Variants in RUNX2 observed in about 807,000 individuals in gnomAD.
RUNX2 encodes the protein RUNX family transcription factor 2.
In RUNX2, 10 loss-of-function variants were observed where a neutral mutation model predicts 51.7. The observed-to-expected ratio is 0.19, with a 90% CI of 0.12 to 0.33. RUNX2 has a LOEUF of 0.33. Ranked by LOEUF, RUNX2 falls within the 10% of genes least tolerant of loss-of-function variation. The pLI, the probability that RUNX2 is intolerant of heterozygous loss-of-function variation, is 1.00. For synonymous variants in RUNX2, 276 were observed against 273.6 expected, an observed-to-expected ratio of 1.01 and a Z score of -0.09; for missense variants, 562 against 691.3, an observed-to-expected ratio of 0.81 and a Z score of 2.10.
intron 2 of RUNX2, among the ~76,000 whole-genome samples, chr6:45,364,341 A>C (rs754379609): frequency 5.9e-5 from 9 of 152,206 alleles, no homozygotes; most frequent in Non-Finnish European, 1.2e-4. Context: ...AACAGTAATC[A>C]TCACATAGTG....
rs924507632 is a variant in RUNX2, at chr6:45,497,135, C to A, written c.859+5021C>A. ...CTCCTACAGTAGCTTGTAAAACTGC[C>A]TTTGCAGACACCCAAGGGGCTTCCC... On this transcript the variant is annotated intron_variant, in intron 6 of 8. Coordinates refer to ENST00000647337, the MANE Select transcript of RUNX2 (RefSeq NM_001024630.4). Among the ~76,000 whole-genome samples, 4 of 152,286 alleles carry A rather than the reference C, an allele frequency of 2.6e-5. No homozygotes were observed. The South Asian group carries it at 8.3e-4, about 32-fold the overall frequency.
At chr6:45,362,511 T>G (rs1794440767) in intron 2 of RUNX2, among the ~76,000 whole-genome samples, 1 of 152,086 alleles carries the variant, frequency 6.6e-6, no homozygotes, top group South Asian at 2.1e-4. Context: ...GTATATTGAG[T>G]CTAATTTTAT....
At chr6:45,520,275 G>T (rs1801465166) in intron 7 of RUNX2, among the ~76,000 whole-genome samples, 1 of 152,160 alleles carries the variant, frequency 6.6e-6, no homozygotes, top group Non-Finnish European at 1.5e-5. Context: ...TCCTGGAGAA[G>T]CATGTTTTCT....
chr6:45,379,693 C>T (rs986651457), intron 2 of RUNX2, among the ~76,000 whole-genome samples: 5 of 152,026 alleles, frequency 3.3e-5, no homozygotes, highest in Non-Finnish European at 7.4e-5. Flanking sequence ...GATGAAACCC[C>T]GTCTCTACTA....
chr6:45,427,524 T>A (rs1484213374), intron 3 of RUNX2, among the ~76,000 whole-genome samples: 2 of 152,182 alleles, frequency 1.3e-5, no homozygotes, highest in Non-Finnish European at 2.9e-5. Context: ...ATACTGTATT[T>A]GAAGTTATCT....
chr6:45,358,812 A>C (rs1022531172), intron 2 of RUNX2, among the ~76,000 whole-genome samples: 2 of 152,168 alleles, frequency 1.3e-5, no homozygotes, highest in African/African-American at 4.8e-5. Flanking sequence ...GAAACGTATG[A>C]ATATTCACTC....
Position 45,546,896 on chromosome 6 carries a change from G to T in RUNX2, c.1157G>T (p.Arg386Leu). 1 of 1,613,788 alleles carries T rather than the reference G, an allele frequency of 6.2e-7. No homozygotes were observed. The highest frequency in any genetic ancestry group is 8.5e-7 in the Non-Finnish European group (1 of 1,179,968). Residue 386 changes from arginine to leucine, a missense_variant, in exon 9 of 9, where the codon CGC becomes CTC. Transcript: ENST00000647337. ...FPSISSLTESRFSNPRMHYPA... is the reference protein window; with the variant it reads ...FPSISSLTESLFSNPRMHYPA... ...AGCATTTCATCCCTCACTGAGAGCC[G>T]CTTCTCCAACCCACGAATGCACTAT...
intron 5 of RUNX2, among the ~76,000 whole-genome samples, chr6:45,448,667 A>G (rs1466279726): frequency 1.3e-5 from 2 of 152,120 alleles, no homozygotes; most frequent in Admixed American, 6.6e-5. Context: ...CTCAGAATGC[A>G]TATGCACCCT....
intron 7 of RUNX2, among the ~76,000 whole-genome samples, chr6:45,522,484 A>G (rs1801536981): frequency 6.6e-6 from 1 of 152,198 alleles, no homozygotes; most frequent in Admixed American, 6.5e-5. Flanking sequence ...TTCACTCCGA[A>G]TTGCTTCAAC....
chr6:45,505,921 T>C (rs1323824119), intron 6 of RUNX2, among the ~76,000 whole-genome samples: 1 of 152,218 alleles, frequency 6.6e-6, no homozygotes, highest in Non-Finnish European at 1.5e-5. Context: ...TTTGCCTCGG[T>C]TGAAACACAT....
rs548000757 is a variant in RUNX2, at chr6:45,401,283, A to G, written c.59-21310A>G. 6.2e-4 allele frequency among the ~76,000 whole-genome samples: 95 copies of G among 152,316 alleles called. 1 individual carries two copies. The highest frequency in any genetic ancestry group is 3.3e-3 in the South Asian group (16 of 4,828). ...CATTGCATTCTCACCCAAGCTGCTT[A>G]TGATCTCCTCCTAAACAAAGACTTC... On this transcript the variant is annotated intron_variant, in intron 2 of 8. Transcript: ENST00000647337.
rs554439233 is a variant in RUNX2 at position 45,474,718 on chromosome 6, CTG to C, written c.686-17220_686-17219del. 1.7e-3 allele frequency among the ~76,000 whole-genome samples: 252 copies of C among 152,200 alleles called. 2 individuals are homozygous for C. The highest frequency in any genetic ancestry group is 5.2e-3 in the African/African-American group (216 of 41,512). On this transcript the variant is annotated intron_variant, in intron 5 of 8. Transcript: ENST00000647337. ...AGGAAGAAGGCAAAATAATCTATGACTGTGAATGGTTGAGATGGCTTTTTCTA... is the reference window on the plus strand; with the variant it reads ...AGGAAGAAGGCAAAATAATCTATGACTGAATGGTTGAGATGGCTTTTTCTA...
At chr6:45,533,013 T>C (rs1801911045) in intron 7 of RUNX2, among the ~76,000 whole-genome samples, 2 of 151,322 alleles carry the variant, frequency 1.3e-5, no homozygotes, top group Non-Finnish European at 2.9e-5. Context: ...GAGGGCTTCA[T>C]GTCCCAGAGA....
chr6:45,526,437 T>C (rs1219007820), intron 7 of RUNX2, among the ~76,000 whole-genome samples: 2 of 152,202 alleles, frequency 1.3e-5, no homozygotes, highest in Non-Finnish European at 2.9e-5. Context: ...CTAAGAGTTA[T>C]TAAAACAGAC....
chr6:45,475,366 T>C (rs1799928215), intron 5 of RUNX2, among the ~76,000 whole-genome samples: 1 of 152,132 alleles, frequency 6.6e-6, no homozygotes, highest in African/African-American at 2.4e-5. Flanking sequence ...TGGCAGAAAT[T>C]CTTGGTTATA....
chr6:45,543,575 C>G (rs532660117), intron 7 of RUNX2, among the ~76,000 whole-genome samples: 2 of 152,254 alleles, frequency 1.3e-5, no homozygotes, highest in African/African-American at 4.8e-5. Context: ...GGTTGCACTG[C>G]TTTTAGAACT....
intron 2 of RUNX2, among the ~76,000 whole-genome samples, chr6:45,370,355 G>C (rs1199216974): frequency 6.6e-6 from 1 of 152,020 alleles, no homozygotes; most frequent in Non-Finnish European, 1.5e-5. Flanking sequence ...GTTGAATGGT[G>C]GTGCCATTTA....
In RUNX2 at chr6:45,546,969, C is replaced by T. The variant is rs775211415; in HGVS notation, c.1230C>T (p.Leu410=). ...CGCCAGTCACCTCAGGCATGTCCCT[C>T]GGTATGTCCGCCACCACTCACTACC... ...YTPPVTSGMS[L]GMSATTHYHT... The change falls in exon 9 of 9, where the codon CTC becomes CTT. Residue 410 remains leucine (L), a synonymous_variant. Transcript: ENST00000647337. 59 of 1,613,912 alleles carry T rather than the reference C, an allele frequency of 3.7e-5. No individual in the cohort carries two copies. The highest frequency in any genetic ancestry group is 2.3e-4 in the Admixed American group (14 of 59,986).
intron 5 of RUNX2, among the ~76,000 whole-genome samples, chr6:45,448,012 A>T (rs552031329): frequency 6.6e-6 from 1 of 152,192 alleles, no homozygotes; most frequent in African/African-American, 2.4e-5. Flanking sequence ...TTATCAGGTT[A>T]GCTGGAGTAG....
Sources: allele counts gnomAD v4.1 joint callset (sites outside exome capture counted in the v4.1 genomes callset), GRCh38; gene constraint gnomAD v4.1.1; transcripts MANE v1.5; gene names NCBI Gene and HGNC (gene_info 2026-07-23, HGNC 2026-07-21).